Variants in RPS6KC1 observed in about 807,000 individuals in gnomAD.
The protein encoded by RPS6KC1 is inactive ribosomal protein S6 kinase delta-1.
In RPS6KC1, 54 loss-of-function variants were observed where a neutral mutation model predicts 103.8. That is an observed-to-expected ratio of 0.52 (90% CI 0.42 to 0.65). The LOEUF (loss-of-function observed/expected upper bound fraction) is 0.65. Among genes scored for constraint, RPS6KC1 ranks in the 30% least tolerant of loss-of-function variants. The pLI is 0.00. For synonymous variants in RPS6KC1, 439 were observed against 438.7 expected (o/e 1.00, Z -0.01); for missense variants, 1,151 against 1,253.8 (o/e 0.92, Z 1.24).
At chr1:213,598,273 T>G in the RPS6KC1 span, among the ~76,000 whole-genome samples, 1 of 152,218 alleles carries the variant, frequency 6.6e-6, no homozygotes, top group African/African-American at 2.4e-5. Context: ...AATCACTAGC[T>G]AGTTAAAAGA....
the RPS6KC1 span, among the ~76,000 whole-genome samples, chr1:213,354,306 C>G: frequency 6.6e-6 from 1 of 152,198 alleles, no homozygotes. Context: ...TCTGAGTGCT[C>G]ATAGGTGATG....
chr1:213,226,004 A>G (rs1025126128), intron 8 of RPS6KC1, among the ~76,000 whole-genome samples: 7 of 151,916 alleles, frequency 4.6e-5, no homozygotes, highest in Non-Finnish European at 1.0e-4. Flanking sequence ...CGGGCGGATC[A>G]CGAGGTCGGG....
At chr1:213,826,500 C>T in the RPS6KC1 span, among the ~76,000 whole-genome samples, 2 of 152,098 alleles carry the variant, frequency 1.3e-5, no homozygotes, top group Non-Finnish European at 2.9e-5. Flanking sequence ...CCTACAACAA[C>T]CTTGTAGGCA....
intron 3 of RPS6KC1, among the ~76,000 whole-genome samples, chr1:213,104,187 C>T (rs1013708000): frequency 1.3e-5 from 2 of 152,190 alleles, no homozygotes; most frequent in African/African-American, 4.8e-5. Flanking sequence ...TGTCAACTTT[C>T]TTAAATTGAC....
At chr1:213,845,990 G>A in the RPS6KC1 span, among the ~76,000 whole-genome samples, 1 of 151,774 alleles carries the variant, frequency 6.6e-6, no homozygotes, top group Non-Finnish European at 1.5e-5. Flanking sequence ...CTTCTTATAA[G>A]GCTTAAAAGA....
At chr1:213,474,623 C>T in the RPS6KC1 span, among the ~76,000 whole-genome samples, 1 of 152,136 alleles carries the variant, frequency 6.6e-6, no homozygotes, top group Non-Finnish European at 1.5e-5. Context: ...TTGGTGATTT[C>T]GTCTTTTTGG....
chr1:213,188,542 A>G (rs781449354), intron 8 of RPS6KC1, among the ~76,000 whole-genome samples: 14 of 152,064 alleles, frequency 9.2e-5, no homozygotes, highest in East Asian at 1.9e-4. Flanking sequence ...TTGTTTTTCT[A>G]TTGGAGAGGG....
chr1:213,051,264 C>G lies in RPS6KC1; in HGVS notation c.-141C>G. 1 of 628,456 alleles carries G rather than the reference C, an allele frequency of 1.6e-6. No homozygotes were observed. The allele number at this position is 628,456 out of a possible 1,614,324, so 38.9% of individuals were successfully genotyped here. ...CTGACCCGGAAGCAGAGCTGTGCAG[C>G]TGAGGCGCCGCCGTGGAGCCGCCTT... is the stretch of plus-strand genomic sequence containing the variant. On this transcript the variant is annotated 5_prime_UTR_variant, in exon 1 of 15. Coordinates refer to ENST00000366960, the MANE Select transcript of RPS6KC1 (RefSeq NM_012424.6).
At chr1:213,121,106 A>C (rs1162278842) in intron 5 of RPS6KC1, among the ~76,000 whole-genome samples, 1 of 151,984 alleles carries the variant, frequency 6.6e-6, no homozygotes. Context: ...TTTTCTTTTT[A>C]AATTTTTTGT....
At chr1:213,796,394 C>A in the RPS6KC1 span, among the ~76,000 whole-genome samples, 2 of 152,240 alleles carry the variant, frequency 1.3e-5, no homozygotes, top group South Asian at 2.1e-4. Flanking sequence ...GACACAGAAA[C>A]CAAAGTAGGT....
At chr1:213,629,261 G>A in the RPS6KC1 span, among the ~76,000 whole-genome samples, 1 of 152,106 alleles carries the variant, frequency 6.6e-6, no homozygotes, top group East Asian at 1.9e-4. Flanking sequence ...ATGAATCTGG[G>A]TGCTCCTGTA....
the RPS6KC1 span, among the ~76,000 whole-genome samples, chr1:213,365,408 T>C: frequency 1.3e-5 from 2 of 152,254 alleles, no homozygotes; most frequent in African/African-American, 4.8e-5. Flanking sequence ...GGTCCTAATA[T>C]TGATTCGTAG....
At chr1:213,638,587 T>C in the RPS6KC1 span, among the ~76,000 whole-genome samples, 1 of 152,110 alleles carries the variant, frequency 6.6e-6, no homozygotes, top group East Asian at 1.9e-4. Context: ...AGTGACTAAT[T>C]GGTTTAAAAC....
the RPS6KC1 span, among the ~76,000 whole-genome samples, chr1:213,453,334 A>G: frequency 6.6e-6 from 1 of 152,128 alleles, no homozygotes; most frequent in African/African-American, 2.4e-5. Context: ...AATCATGCCC[A>G]CAGACACTTA....
the RPS6KC1 span, among the ~76,000 whole-genome samples, chr1:213,531,707 A>C: frequency 6.6e-6 from 1 of 152,222 alleles, no homozygotes; most frequent in Non-Finnish European, 1.5e-5. Context: ...CAGTGGAAAG[A>C]AGTTTCCTAA....
chr1:213,798,808 T>C, the RPS6KC1 span, among the ~76,000 whole-genome samples: 3 of 152,238 alleles, frequency 2.0e-5, no homozygotes, highest in African/African-American at 7.2e-5. Context: ...TAGACTCCTA[T>C]AGAGATGTCT....
At chr1:213,138,840 A>G (rs933356059) in intron 6 of RPS6KC1, among the ~76,000 whole-genome samples, 3 of 152,186 alleles carry the variant, frequency 2.0e-5, no homozygotes, top group African/African-American at 7.2e-5. Context: ...TCTTTATGGT[A>G]GAATAATTTG....
chr1:213,747,112 C>G, the RPS6KC1 span, among the ~76,000 whole-genome samples: 4 of 152,086 alleles, frequency 2.6e-5, no homozygotes, highest in African/African-American at 9.7e-5. Context: ...CTCCTGGGAG[C>G]AGGACCCTGG....
chr1:213,363,913 C>A, the RPS6KC1 span, among the ~76,000 whole-genome samples: 2 of 149,648 alleles, frequency 1.3e-5, no homozygotes, highest in African/African-American at 4.9e-5. Context: ...AGAAGAGTTT[C>A]ACATTGTTTT....
Sources: allele counts gnomAD v4.1 joint callset (sites outside exome capture counted in the v4.1 genomes callset), GRCh38; gene constraint gnomAD v4.1.1; transcripts MANE v1.5; gene names NCBI Gene and HGNC (gene_info 2026-07-23, HGNC 2026-07-21).